HTT-AS: variants seen among roughly 807,000 people sequenced by gnomAD.
HTT-AS encodes the protein HTT antisense RNA (head to head).
At position 3,054,726 on chromosome 4, in the gene HTT-AS, T is replaced by G. The variant is rs985171567; in HGVS notation, n.1381-5028A>C. ...AGGGTTTTCTTTTCTTTCTATTTTTTTTTTTTGAGATGGAGTCTCGCTCTG... is the reference window on the plus strand; with the variant it reads ...AGGGTTTTCTTTTCTTTCTATTTTTGTTTTTTGAGATGGAGTCTCGCTCTG... On this transcript the variant is annotated intron_variant and non_coding_transcript_variant, in intron 2 of 2. Coordinates refer to ENST00000664062, the Ensembl canonical transcript of HTT-AS. 6.6e-5 allele frequency among the ~76,000 whole-genome samples: 10 copies of G among 151,960 alleles called. No homozygotes were observed. In the East Asian group the frequency reaches 1.4e-3, roughly 21 times the overall value.
chr4:3,073,554 C>T (rs577856773), intron 1 of HTT-AS, among the ~76,000 whole-genome samples: 54 of 152,352 alleles, frequency 3.5e-4, no homozygotes, highest in Middle Eastern at 3.4e-3. Context: ...CATCTTGTGG[C>T]CATAGCTGCT....
At chr4:3,069,595 A>C (rs1396975443) in intron 1 of HTT-AS, among the ~76,000 whole-genome samples, 2 of 152,162 alleles carry the variant, frequency 1.3e-5, no homozygotes, top group Non-Finnish European at 2.9e-5. Flanking sequence ...AATGAAGGAA[A>C]TGCTCTAGTT....
chr4:3,067,396 C>A (rs1326069626), intron 1 of HTT-AS, among the ~76,000 whole-genome samples: 1 of 152,126 alleles, frequency 6.6e-6, no homozygotes, highest in South Asian at 2.1e-4. Flanking sequence ...AAAAAGAAAT[C>A]CATACTGTGA....
At chr4:3,060,842 G>A (rs1006986785) in intron 2 of HTT-AS, among the ~76,000 whole-genome samples, 1 of 152,202 alleles carries the variant, frequency 6.6e-6, no homozygotes, top group African/African-American at 2.4e-5. Context: ...GGTGAGGGTA[G>A]GGTGGGCAGC....
chr4:3,049,365 A>G (rs893413349), exon 3 of HTT-AS, among the ~76,000 whole-genome samples: 2 of 152,062 alleles, frequency 1.3e-5, no homozygotes, highest in South Asian at 4.1e-4. Flanking sequence ...CAGAGGTTGC[A>G]GTGAGCTGAG....
intron 1 of HTT-AS, among the ~76,000 whole-genome samples, chr4:3,069,672 G>A (rs1441764525): frequency 1.3e-5 from 2 of 152,186 alleles, no homozygotes; most frequent in Non-Finnish European, 2.9e-5. Context: ...TAGAACCTAA[G>A]GAAACAGGAC....
At chr4:3,071,178 A>G (rs544012168) in intron 1 of HTT-AS, among the ~76,000 whole-genome samples, 9 of 152,336 alleles carry the variant, frequency 5.9e-5, no homozygotes, top group Non-Finnish European at 1.3e-4. Context: ...TTGGGAGCAT[A>G]TAACAGAATG....
chr4:3,073,865 G>A (rs950992413), intron 1 of HTT-AS, among the ~76,000 whole-genome samples: 4 of 152,176 alleles, frequency 2.6e-5, no homozygotes, highest in Non-Finnish European at 5.9e-5. Context: ...GGTGAGTATG[G>A]CTCTGGCCAC....
intron 1 of HTT-AS, among the ~76,000 whole-genome samples, chr4:3,072,332 A>G (rs956111094): frequency 6.6e-6 from 1 of 152,258 alleles, no homozygotes; most frequent in African/African-American, 2.4e-5. Context: ...CCAACATGGC[A>G]GCTGACTTCA....
chr4:3,053,841 G>A (rs1053217435), intron 2 of HTT-AS, among the ~76,000 whole-genome samples: 9 of 148,632 alleles, frequency 6.1e-5, no homozygotes, highest in East Asian at 2.0e-4. Context: ...TCACTACAAC[G>A]TCTGCCTCTC....
At position 3,070,690 on chromosome 4, in the gene HTT-AS, T is replaced by C. The variant is rs561039896; in HGVS notation, n.113+3736A>G. On this transcript the variant is annotated intron_variant and non_coding_transcript_variant, in intron 1 of 2. Coordinates refer to ENST00000664062, the Ensembl canonical transcript of HTT-AS. ...GGCTAGCATGTTGTAAGCCTTTCCC[T>C]GTGTCACAAGTGCTCATCTGGAACA... Among the ~76,000 whole-genome samples, 3 of 152,316 alleles carry C rather than the reference T, an allele frequency of 2.0e-5. No individual in the cohort carries two copies. The East Asian group carries it at 5.8e-4, about 29-fold the overall frequency.
exon 3 of HTT-AS, among the ~76,000 whole-genome samples, chr4:3,049,357 G>C (rs1054701122): frequency 7.2e-5 from 11 of 152,108 alleles, no homozygotes; most frequent in Admixed American, 7.2e-4. Flanking sequence ...CCAGGAGGCA[G>C]AGGTTGCAGT....
At chr4:3,048,141 T>A (rs1246538328), downstream of HTT-AS, among the ~76,000 whole-genome samples, 2 of 152,012 alleles carry the variant, frequency 1.3e-5, no homozygotes, top group African/African-American at 4.8e-5. Context: ...TCTATCTCTT[T>A]GTCTTGTGTC....
intron 1 of HTT-AS, among the ~76,000 whole-genome samples, chr4:3,068,984 C>T (rs1364185949): frequency 6.6e-6 from 1 of 152,146 alleles, no homozygotes; most frequent in African/African-American, 2.4e-5. Context: ...AATTAAAACA[C>T]ATGGCAATAA....
downstream of HTT-AS, among the ~76,000 whole-genome samples, chr4:3,047,191 G>C (rs931327511): frequency 6.6e-6 from 1 of 151,892 alleles, no homozygotes; most frequent in Non-Finnish European, 1.5e-5. Flanking sequence ...TGCACCTGTA[G>C]TCCCAGCTAC....
At chr4:3,067,741 C>T (rs1712082320) in intron 1 of HTT-AS, among the ~76,000 whole-genome samples, 1 of 152,158 alleles carries the variant, frequency 6.6e-6, no homozygotes, top group South Asian at 2.1e-4. Flanking sequence ...CGAGGGGGAT[C>T]TGCGTTCCAG....
rs111625901 is a variant in HTT-AS at position 3,065,244 on chromosome 4, TC to T, written n.114-1545del. Among the ~76,000 whole-genome samples the T allele has an allele frequency of 3.7e-3, 539 of 144,078 alleles. 4 individuals carry two copies. The highest frequency in any genetic ancestry group is 8.8e-3 in the African/African-American group (303 of 34,340). 94.5% of individuals were successfully genotyped at this position (144,078 alleles called of 152,430 possible). A position where few individuals can be genotyped will look rare whatever the true frequency, so the allele number is the denominator to read the frequency against. ...ATAAGAGGATAGCTAGTTTCTTTCT[TC>T]TTTTTTTTTTTTGAGACGGAGTCTT... is the stretch of plus-strand genomic sequence containing the variant. On this transcript the variant is annotated intron_variant and non_coding_transcript_variant, in intron 1 of 2. Coordinates refer to ENST00000664062, the Ensembl canonical transcript of HTT-AS.
At chr4:3,068,058 C>T (rs933855623) in intron 1 of HTT-AS, among the ~76,000 whole-genome samples, 2 of 152,092 alleles carry the variant, frequency 1.3e-5, no homozygotes, top group African/African-American at 4.8e-5. Context: ...GTAATCCCAG[C>T]ACTTTGGGAG....
At chr4:3,055,220 C>T (rs1711784534) in intron 2 of HTT-AS, among the ~76,000 whole-genome samples, 1 of 151,750 alleles carries the variant, frequency 6.6e-6, no homozygotes, top group African/African-American at 2.4e-5. Context: ...ATGGCATGAA[C>T]CCAGGAGGCA....
Sources: gnomAD v4.1 joint callset for allele counts (sites outside exome capture counted in the v4.1 genomes callset) on GRCh38, gnomAD v4.1.1 for gene constraint, MANE v1.5 for transcripts, NCBI Gene and HGNC (gene_info 2026-07-23, HGNC 2026-07-21) for gene names.